Variants in ZMYM2 observed in about 807,000 individuals in gnomAD.
ZMYM2 encodes zinc finger MYM-type containing 2.
ZMYM2 carries 56 observed loss-of-function variants against 162.8 expected under a neutral mutation model. The observed-to-expected ratio is 0.34, with a 90% CI of 0.28 to 0.43. ZMYM2 has a LOEUF of 0.43. ZMYM2 is among the 20% of genes least tolerant of loss of function. The pLI is 1.00. For synonymous variants in ZMYM2, 510 were observed against 541.6 expected (o/e 0.94, Z 0.81); for missense variants, 1,275 against 1,621.8 (o/e 0.79, Z 3.67).
At chr13:19,893,131 C>G in the ZMYM2 span, among the ~76,000 whole-genome samples, 1 of 151,296 alleles carries the variant, frequency 6.6e-6, no homozygotes, top group Non-Finnish European at 1.5e-5. Flanking sequence ...GAACTGTACA[C>G]TTAAAAATGG....
chr13:19,975,433 G>A (rs1393737701), intron 2 of ZMYM2, among the ~76,000 whole-genome samples: 1 of 152,082 alleles, frequency 6.6e-6, no homozygotes, highest in Admixed American at 6.6e-5. Flanking sequence ...TTGTCCTTTT[G>A]TGTCTGGCCT....
chr13:19,903,827 T>C, the ZMYM2 span, among the ~76,000 whole-genome samples: 1 of 151,460 alleles, frequency 6.6e-6, no homozygotes, highest in South Asian at 2.1e-4. Context: ...TCAGCCTGGG[T>C]GAGAGTGAGA....
Position 20,052,161 on chromosome 13 carries a change from CTA to C in ZMYM2, c.2459-115_2459-114del, listed in dbSNP as rs889171878. 6 of 830,626 alleles carry C rather than the reference CTA, an allele frequency of 7.2e-6. No homozygotes were observed. In the African/African-American group the frequency reaches 1.0e-4, roughly 14 times the overall value. The allele number at this position is 830,626 out of a possible 1,614,324, so 51.5% of individuals were successfully genotyped here. A position where few individuals can be genotyped will look rare whatever the true frequency, so the allele number is the denominator to read the frequency against. ...TTTGAAATTCTTTCCTTAAAATAGT[CTA>C]AAATATTTTCTTTAGTCACATTTTA... On this transcript the variant is annotated intron_variant, in intron 13 of 24. Transcript: ENST00000610343.
At chr13:19,890,341 A>AT in the ZMYM2 span, among the ~76,000 whole-genome samples, 2 of 151,136 alleles carry the variant, frequency 1.3e-5, no homozygotes, top group Admixed American at 1.3e-4. Flanking sequence ...CTTTTTAAAA[A>AT]TTTTTTTATA....
intron 2 of ZMYM2, among the ~76,000 whole-genome samples, chr13:19,971,177 G>C (rs1235602415): frequency 6.7e-6 from 1 of 149,038 alleles, no homozygotes; most frequent in Non-Finnish European, 1.5e-5. Flanking sequence ...ATACTGAAAA[G>C]CCACGTAAGA....
chr13:20,041,783 A>T (rs1268862339), intron 12 of ZMYM2, among the ~76,000 whole-genome samples: 1 of 151,846 alleles, frequency 6.6e-6, no homozygotes. Context: ...AAAGGATCTT[A>T]TTTCTGCTTT....
At chr13:19,895,169 C>A in the ZMYM2 span, among the ~76,000 whole-genome samples, 5 of 150,786 alleles carry the variant, frequency 3.3e-5, no homozygotes, top group Non-Finnish European at 7.4e-5. Flanking sequence ...TGTTGATGTG[C>A]ATGTGGAGAA....
At chr13:20,056,531 A>G (rs562385095) in intron 14 of ZMYM2, among the ~76,000 whole-genome samples, 61 of 152,286 alleles carry the variant, frequency 4.0e-4, no homozygotes, top group East Asian at 1.9e-3. Flanking sequence ...GAGGCTCTCA[A>G]TGCCGACAAG....
intron 10 of ZMYM2, among the ~76,000 whole-genome samples, chr13:20,033,480 T>G (rs1042777315): frequency 6.6e-6 from 1 of 152,178 alleles, no homozygotes; most frequent in African/African-American, 2.4e-5. Flanking sequence ...ATGGGGCAAC[T>G]TTCCACTAAT....
At chr13:19,884,952 T>G in the ZMYM2 span, among the ~76,000 whole-genome samples, 2 of 152,164 alleles carry the variant, frequency 1.3e-5, no homozygotes, top group African/African-American at 4.8e-5. Flanking sequence ...TGGCCCATTT[T>G]ACAGAGTGCT....
chr13:19,974,504 C>T (rs1193937368), intron 2 of ZMYM2, among the ~76,000 whole-genome samples: 3 of 149,110 alleles, frequency 2.0e-5, no homozygotes, highest in Non-Finnish European at 4.4e-5. Flanking sequence ...GAGACAGACT[C>T]TTGCTCTGTT....
intron 5 of ZMYM2, among the ~76,000 whole-genome samples, chr13:20,005,683 A>C (rs1950686630): frequency 6.6e-6 from 1 of 152,234 alleles, no homozygotes; most frequent in African/African-American, 2.4e-5. Flanking sequence ...ATCTGTTTAT[A>C]TATAAGTCAT....
At chr13:19,969,675 G>A (rs147476858) in intron 2 of ZMYM2, among the ~76,000 whole-genome samples, 130 of 152,182 alleles carry the variant, frequency 8.5e-4, no homozygotes, top group African/African-American at 3.0e-3. Flanking sequence ...TGCCTTCTTT[G>A]CTTCAGGCTC....
At chr13:19,896,309 A>G in the ZMYM2 span, among the ~76,000 whole-genome samples, 5 of 151,258 alleles carry the variant, frequency 3.3e-5, no homozygotes, top group African/African-American at 4.9e-5. Context: ...ACGCCTGGCT[A>G]ATTTTTGTAT....
the ZMYM2 span, among the ~76,000 whole-genome samples, chr13:19,895,380 A>G: frequency 6.6e-6 from 1 of 151,966 alleles, no homozygotes; most frequent in Non-Finnish European, 1.5e-5. Context: ...TGATTTATAA[A>G]GAAAAGGAAT....
Position 20,086,771 on chromosome 13 carries a change from G to GTATA in ZMYM2, c.*782_*785dup, listed in dbSNP as rs35941536. 0.11 allele frequency: 14,510 copies of GTATA among 133,364 alleles called. 801 individuals are homozygous for GTATA. Among genetic ancestry groups the GTATA allele is most frequent in the East Asian group, 0.14 (639 of 4,482 alleles). 8.3% of individuals were successfully genotyped at this position (133,364 alleles called of 1,614,324 possible). On this transcript the variant is annotated 3_prime_UTR_variant, in exon 25 of 25. Transcript: ENST00000610343. The stretch of plus-strand genomic sequence containing the variant: ...TATATATATGTATGTATGTGTGTGT[G>GTATA]TATATATATATATATATATATATAT...
chr13:20,007,287 C>T (rs1471713404), intron 6 of ZMYM2, among the ~76,000 whole-genome samples: 4 of 151,978 alleles, frequency 2.6e-5, no homozygotes, highest in Non-Finnish European at 5.9e-5. Flanking sequence ...AGGCATGCGC[C>T]ACCACACCCG....
At chr13:20,076,868 A>T (rs941618379) in intron 21 of ZMYM2, among the ~76,000 whole-genome samples, 1 of 149,844 alleles carries the variant, frequency 6.7e-6, no homozygotes, top group Non-Finnish European at 1.5e-5. Context: ...ACGGAGTTTC[A>T]CTCTGTCACC....
chr13:19,964,674 C>T (rs1955581479), intron 2 of ZMYM2, among the ~76,000 whole-genome samples: 1 of 151,706 alleles, frequency 6.6e-6, no homozygotes, highest in African/African-American at 2.4e-5. Context: ...TGTCAGTAGG[C>T]TGCCAAGGAT....
Sources: gnomAD v4.1 joint callset for allele counts (sites outside exome capture counted in the v4.1 genomes callset) on GRCh38, gnomAD v4.1.1 for gene constraint, MANE v1.5 for transcripts, NCBI Gene and HGNC (gene_info 2026-07-23, HGNC 2026-07-21) for gene names.